Variants in PDZRN4 observed in about 807,000 individuals in gnomAD.
PDZRN4 encodes PDZ domain containing ring finger 4.
In PDZRN4, 70 loss-of-function variants were observed where a neutral mutation model predicts 99.0. That is an observed-to-expected ratio of 0.71 (90% CI 0.58 to 0.86). The LOEUF (loss-of-function observed/expected upper bound fraction) is 0.86. PDZRN4 is among the 40% of genes least tolerant of loss of function. The probability of loss-of-function intolerance (pLI) is 0.00; values close to 1 mark genes in which losing one functional copy is unlikely to be tolerated. For synonymous variants in PDZRN4, 551 were observed against 501.6 expected, an observed-to-expected ratio of 1.10 and a Z score of -1.32; for missense variants, 1,474 against 1,331.2, an observed-to-expected ratio of 1.11 and a Z score of -1.67.
intron 3 of PDZRN4, among the ~76,000 whole-genome samples, chr12:41,487,009 A>G (rs1190806574): frequency 6.6e-6 from 1 of 152,126 alleles, no homozygotes; most frequent in Non-Finnish European, 1.5e-5. Flanking sequence ...TACACTGACC[A>G]CAAAAGAAAT....
intron 3 of PDZRN4, among the ~76,000 whole-genome samples, chr12:41,373,037 G>C (rs908883772): frequency 6.6e-6 from 1 of 152,072 alleles, no homozygotes; most frequent in Non-Finnish European, 1.5e-5. Context: ...ATGTCAGCAG[G>C]TTCCGTGATG....
chr12:41,271,726 C>T (rs898840794), intron 3 of PDZRN4, among the ~76,000 whole-genome samples: 3 of 152,008 alleles, frequency 2.0e-5, no homozygotes, highest in Admixed American at 6.6e-5. Context: ...CATAAATCAG[C>T]GGTGACAATT....
intron 3 of PDZRN4, among the ~76,000 whole-genome samples, chr12:41,216,474 C>T (rs1157552937): frequency 6.6e-6 from 1 of 151,908 alleles, no homozygotes; most frequent in Non-Finnish European, 1.5e-5. Context: ...GAATATAAGA[C>T]AGAAATCATT....
intron 3 of PDZRN4, among the ~76,000 whole-genome samples, chr12:41,241,995 G>T (rs992551077): frequency 6.6e-6 from 1 of 152,170 alleles, no homozygotes; most frequent in African/African-American, 2.4e-5. Context: ...ATTTGGTAGG[G>T]TCACTTGCAG....
At chr12:41,436,044 G>T (rs755274900) in intron 3 of PDZRN4, among the ~76,000 whole-genome samples, 1 of 152,140 alleles carries the variant, frequency 6.6e-6, no homozygotes, top group Non-Finnish European at 1.5e-5. Context: ...TGGCCACCAT[G>T]AATTTTTATA....
chr12:41,404,278 C>A (rs1313829669), intron 3 of PDZRN4, among the ~76,000 whole-genome samples: 2 of 152,066 alleles, frequency 1.3e-5, no homozygotes, highest in African/African-American at 4.8e-5. Flanking sequence ...ATGCGAGTAG[C>A]ATGGCATCTA....
chr12:41,239,981 A>G (rs7961556), intron 3 of PDZRN4, among the ~76,000 whole-genome samples: 105,372 of 152,076 alleles, frequency 0.69, 36,599 homozygotes, highest in Middle Eastern at 0.75. Context: ...GAGTTCTAAT[A>G]TGTGCATTTT....
Position 41,330,142 on chromosome 12 carries a change from A to G in PDZRN4, c.843+135954A>G, listed in dbSNP as rs1565553567. Among the ~76,000 whole-genome samples the G allele has an allele frequency of 2.0e-5, 3 of 152,106 alleles. No individual in the cohort carries two copies. The South Asian group carries it at 6.2e-4, about 31-fold the overall frequency. ...GTTTAAAAAATTTTATGTTACTTTTATGCTTCCAAAATTAGCATAGTGAGT... is the reference window on the plus strand; with the variant it reads ...GTTTAAAAAATTTTATGTTACTTTTGTGCTTCCAAAATTAGCATAGTGAGT... On this transcript the variant is annotated intron_variant, in intron 3 of 9. Transcript: ENST00000402685.
chr12:41,461,593 G>C (rs558280962), intron 3 of PDZRN4, among the ~76,000 whole-genome samples: 17 of 152,150 alleles, frequency 1.1e-4, no homozygotes, highest in Non-Finnish European at 2.2e-4. Context: ...GTGTGTCTTT[G>C]ATATTCATAT....
intron 3 of PDZRN4, among the ~76,000 whole-genome samples, chr12:41,459,093 C>A (rs1231998262): frequency 6.6e-6 from 1 of 152,116 alleles, no homozygotes; most frequent in Non-Finnish European, 1.5e-5. Context: ...TGCCAAAATT[C>A]AGACAAATAC....
chr12:41,323,919 A>T (rs1385270447), intron 3 of PDZRN4, among the ~76,000 whole-genome samples: 1 of 152,060 alleles, frequency 6.6e-6, no homozygotes, highest in African/African-American at 2.4e-5. Flanking sequence ...CGTTATAAAG[A>T]TATAATCCAA....
chr12:41,389,515 T>C (rs1005216658), intron 3 of PDZRN4, among the ~76,000 whole-genome samples: 2 of 152,212 alleles, frequency 1.3e-5, no homozygotes, highest in East Asian at 1.9e-4. Context: ...GGACCAGTCA[T>C]CTACTATACC....
intron 3 of PDZRN4, among the ~76,000 whole-genome samples, chr12:41,281,801 GC>G (rs1265398913): frequency 2.8e-4 from 43 of 151,668 alleles, no homozygotes; most frequent in African/African-American, 1.0e-3. Context: ...AGTTCAGGAT[GC>G]TTTCCTTGCC....
At chr12:41,331,683 A>G (rs550822796) in intron 3 of PDZRN4, among the ~76,000 whole-genome samples, 1 of 152,270 alleles carries the variant, frequency 6.6e-6, no homozygotes, top group South Asian at 2.1e-4. Context: ...TTTATAAAGA[A>G]AAGAGATTTA....
At chr12:41,391,813 G>T (rs572244344) in intron 3 of PDZRN4, among the ~76,000 whole-genome samples, 5 of 152,108 alleles carry the variant, frequency 3.3e-5, no homozygotes, top group African/African-American at 1.2e-4. Flanking sequence ...TGACTTTAGC[G>T]AAGAAGTGCA....
chr12:41,210,302 G>T (rs1950879784), intron 3 of PDZRN4, among the ~76,000 whole-genome samples: 1 of 152,010 alleles, frequency 6.6e-6, no homozygotes, highest in Admixed American at 6.6e-5. Context: ...TTGGTTGCTT[G>T]TTCACTCTGA....
At chr12:41,260,624 G>A (rs189715480) in intron 3 of PDZRN4, among the ~76,000 whole-genome samples, 7 of 152,100 alleles carry the variant, frequency 4.6e-5, no homozygotes, top group African/African-American at 1.7e-4. Context: ...TACATTTTCA[G>A]CAAATAAGAA....
intron 3 of PDZRN4, among the ~76,000 whole-genome samples, chr12:41,478,410 C>G (rs1158649691): frequency 6.6e-6 from 1 of 152,082 alleles, no homozygotes; most frequent in Non-Finnish European, 1.5e-5. Context: ...GCCACTGCAC[C>G]CAGCCTGTAA....
At chr12:41,569,069 T>G (rs556258514) in intron 9 of PDZRN4, among the ~76,000 whole-genome samples, 121 of 151,812 alleles carry the variant, frequency 8.0e-4, no homozygotes, top group Non-Finnish European at 1.3e-3. Context: ...CCCAAAGTTC[T>G]GGGATTACAG....
Sources: allele counts gnomAD v4.1 joint callset (sites outside exome capture counted in the v4.1 genomes callset), GRCh38; gene constraint gnomAD v4.1.1; transcripts MANE v1.5; gene names NCBI Gene and HGNC (gene_info 2026-07-23, HGNC 2026-07-21).